Variants in PLG observed in about 807,000 individuals in gnomAD.
PLG encodes the protein plasminogen.
PLG carries 41 observed loss-of-function variants against 104.4 expected under a neutral mutation model. The ratio of observed to expected loss-of-function variants is 0.39; its 90% CI spans 0.31 to 0.51. The LOEUF (loss-of-function observed/expected upper bound fraction) is 0.51, where lower values mean the gene tolerates loss of function less well. Ranked by LOEUF, PLG falls within the 20% of genes least tolerant of loss-of-function variation. The pLI, the probability that PLG is intolerant of heterozygous loss-of-function variation, is 0.76. For synonymous variants in PLG, 337 were observed against 357.1 expected (o/e 0.94, Z 0.63); for missense variants, 891 against 1,003.6 (o/e 0.89, Z 1.52).
At chr6:160,728,092 T>C (rs899461120) in intron 10 of PLG, among the ~76,000 whole-genome samples, 16 of 152,084 alleles carry the variant, frequency 1.1e-4, no homozygotes, top group African/African-American at 3.8e-4. Flanking sequence ...TTTTGCAAGA[T>C]TGGAGAACAC....
At position 160,734,286 on chromosome 6, in the gene PLG, C is replaced by G. The variant is rs749044217; in HGVS notation, c.1681+198C>G. On this transcript the variant is annotated intron_variant, in intron 13 of 18. Transcript: ENST00000308192. The surrounding 1 kb of genome is among the most constrained non-coding windows in gnomAD (Gnocchi z 4.4). ...TTAGAGGAACACCTGCCCATCGCCCCAGGCACACATAAATAAAATAAATGT... is the reference window on the plus strand; with the variant it reads ...TTAGAGGAACACCTGCCCATCGCCCGAGGCACACATAAATAAAATAAATGT... Among the ~76,000 whole-genome samples, 2 of 152,146 alleles carry G rather than the reference C, an allele frequency of 1.3e-5. No homozygotes were observed. Among genetic ancestry groups the G allele is most frequent in the Non-Finnish European group, 2.9e-5 (2 of 68,046 alleles).
At chr6:160,709,673 T>C (rs1298207268) in intron 3 of PLG, among the ~76,000 whole-genome samples, 3 of 152,236 alleles carry the variant, frequency 2.0e-5, no homozygotes, top group Admixed American at 6.5e-5. Flanking sequence ...CAAATCTTCC[T>C]TGACCCCTAG....
chr6:160,747,798 C>A (rs1778303090), intron 17 of PLG, among the ~76,000 whole-genome samples: 1 of 152,280 alleles, frequency 6.6e-6, no homozygotes, highest in African/African-American at 2.4e-5. Context: ...GTAAAAGGAA[C>A]CTTGGCAAAG....
Position 160,751,893 on chromosome 6 carries a change from A to G in PLG, c.2126-222A>G, listed in dbSNP as rs781326688. Among the ~76,000 whole-genome samples the G allele has an allele frequency of 7.6e-4, 115 of 152,314 alleles. 2 individuals are homozygous for G. The highest frequency in any genetic ancestry group is 6.8e-3 in the Middle Eastern group (2 of 294). ...GTAAAGAAACAACAACCAACCCCAA[A>G]CCAACACGACAAAGCCCAGATTGTT... On this transcript the variant is annotated intron_variant, in intron 17 of 18. Coordinates refer to ENST00000308192, the MANE Select transcript of PLG (RefSeq NM_000301.5).
intron 3 of PLG, among the ~76,000 whole-genome samples, chr6:160,709,240 G>C (rs985412084): frequency 6.6e-6 from 1 of 151,934 alleles, no homozygotes; most frequent in Non-Finnish European, 1.5e-5. Flanking sequence ...GTGGGATATT[G>C]ACCTGCTACT....
At chr6:160,748,892 G>A (rs922305883) in intron 17 of PLG, among the ~76,000 whole-genome samples, 6 of 152,124 alleles carry the variant, frequency 3.9e-5, no homozygotes, top group Non-Finnish European at 1.5e-5. Context: ...CTGAGAGGTC[G>A]AACTTGTGTC....
chr6:160,703,169 C>T (rs1777452061), intron 1 of PLG, among the ~76,000 whole-genome samples: 2 of 151,908 alleles, frequency 1.3e-5, no homozygotes. Context: ...TGGATTTAAG[C>T]CAGGTTTCCC....
chr6:160,704,328 C>T (rs546588581), intron 1 of PLG, among the ~76,000 whole-genome samples: 185 of 152,248 alleles, frequency 1.2e-3, no homozygotes, highest in African/African-American at 4.0e-3. Context: ...ATCTCAGCAG[C>T]GATGCGCTAT....
At chr6:160,746,576 A>G (rs1778281029) in intron 17 of PLG, among the ~76,000 whole-genome samples, 1 of 152,182 alleles carries the variant, frequency 6.6e-6, no homozygotes, top group Non-Finnish European at 1.5e-5. Context: ...GGATTTTGCC[A>G]TCCTCCTGGA....
In PLG at chr6:160,737,247, A is replaced by C. The variant is rs1041979792; in HGVS notation, c.1802+240A>C. On this transcript the variant is annotated intron_variant, in intron 14 of 18. Coordinates refer to ENST00000308192, the MANE Select transcript of PLG (RefSeq NM_000301.5). The surrounding 1 kb of genome is among the most constrained non-coding windows in gnomAD (Gnocchi z 4.7). ...TCTTGATCTGGGCAGCTCCATCAAA[A>C]TCTGTAGGCACAGTGATTTGCACCA... is the stretch of plus-strand genomic sequence containing the variant. 6.6e-6 allele frequency among the ~76,000 whole-genome samples: 1 copy of C among 152,194 alleles called. No homozygotes were observed. Among genetic ancestry groups the C allele is most frequent in the African/African-American group, 2.4e-5 (1 of 41,438 alleles).
At position 160,708,993 on chromosome 6, in the gene PLG, C is replaced by T. The variant is rs1352848793; in HGVS notation, c.292+1187C>T. On this transcript the variant is annotated intron_variant, in intron 3 of 18. Transcript: ENST00000308192. Reference sequence around the variant, plus strand: ...TTTAAAAAAAAAAAACCCTGATTCTCCTGATTCTCTCTACAAAATGCTAAC... The same window carrying T: ...TTTAAAAAAAAAAAACCCTGATTCTTCTGATTCTCTCTACAAAATGCTAAC... Among the ~76,000 whole-genome samples, 3 of 151,676 alleles carry T rather than the reference C, an allele frequency of 2.0e-5. No individual in the cohort carries two copies. In the East Asian group the frequency reaches 5.8e-4, roughly 29 times the overall value.
chr6:160,703,042 C>T (rs1777449578), intron 1 of PLG, among the ~76,000 whole-genome samples: 2 of 151,966 alleles, frequency 1.3e-5, no homozygotes, highest in Admixed American at 6.6e-5. Context: ...TTATTTAGCT[C>T]GTGGTATAGG....
intron 4 of PLG, chr6:160,712,009 C>G (rs1303308792): frequency 2.2e-6 from 2 of 902,462 alleles, no homozygotes; most frequent in South Asian, 4.1e-5. Flanking sequence ...GTGCTTGTTA[C>G]TCACCTTTAT....
intron 9 of PLG, among the ~76,000 whole-genome samples, chr6:160,720,925 G>A (rs1403254072): frequency 2.0e-5 from 3 of 151,412 alleles, no homozygotes; most frequent in East Asian, 1.9e-4. Flanking sequence ...TTCATTCTTT[G>A]TGTTGGTTTG....
rs1777918290 is a variant in PLG, at chr6:160,726,191, T to C, written c.1256+3624T>C. ...CATTCCCCAACATATACCATATGTG[T>C]GGGCCTACAGCAAGTCTTAATAGAT... On this transcript the variant is annotated intron_variant, in intron 10 of 18. Transcript: ENST00000308192. The surrounding 1 kb of genome is among the most constrained non-coding windows in gnomAD (Gnocchi z 4.4). 6.6e-6 allele frequency among the ~76,000 whole-genome samples: 1 copy of C among 152,148 alleles called. No individual in the cohort carries two copies. The highest frequency in any genetic ancestry group is 2.1e-4 in the South Asian group (1 of 4,832).
In PLG at chr6:160,741,235, G is replaced by T; in HGVS notation, c.2019-76G>T. On this transcript the variant is annotated intron_variant, in intron 16 of 18. Transcript: ENST00000308192. This position sits in a 1 kb window ranked among gnomAD's most constrained non-coding sequence, Gnocchi z 4.7. ...AGTTCAGAGGGCTCTGGGGCCTCAA[G>T]ACAGGGATGACTGGTTGTGGGTACT... is the stretch of plus-strand genomic sequence containing the variant. 1 of 1,028,216 alleles carries T rather than the reference G, an allele frequency of 9.7e-7. No homozygotes were observed. Among genetic ancestry groups the T allele is most frequent in the South Asian group, 1.3e-5 (1 of 79,096 alleles). The allele number at this position is 1,028,216 out of a possible 1,614,324, so 63.7% of individuals were successfully genotyped here.
At position 160,718,866 on chromosome 6, in the gene PLG, G is replaced by A. The variant is rs745633755; in HGVS notation, c.1096+28G>A. ...AAGCAAGGGTATGGGAGCTTACTGAGGGCCCAAGTTTTCTCCTTATTTTTG... is the reference window on the plus strand; with the variant it reads ...AAGCAAGGGTATGGGAGCTTACTGAAGGCCCAAGTTTTCTCCTTATTTTTG... On this transcript the variant is annotated intron_variant, in intron 9 of 18. Coordinates refer to ENST00000308192, the MANE Select transcript of PLG (RefSeq NM_000301.5). 19 of 1,607,266 alleles carry A rather than the reference G, an allele frequency of 1.2e-5. No individual in the cohort carries two copies. The South Asian group carries it at 2.0e-4, about 17-fold the overall frequency.
intron 7 of PLG, among the ~76,000 whole-genome samples, chr6:160,717,307 A>G (rs1275808040): frequency 6.6e-6 from 1 of 152,192 alleles, no homozygotes; most frequent in Non-Finnish European, 1.5e-5. Context: ...CCTCTCTGAG[A>G]ATTTGAAGCA....
Position 160,753,037 on chromosome 6 carries a change from T to C in PLG, c.2409T>C (p.Ile803=). 6.3e-7 allele frequency: 1 copy of C among 1,591,770 alleles called. No individual in the cohort carries two copies. Among genetic ancestry groups the C allele is most frequent in the Non-Finnish European group, 8.6e-7 (1 of 1,160,924 alleles). Residue 803 remains isoleucine, a synonymous_variant, in exon 19 of 19, where the codon ATT becomes ATC. Transcript: ENST00000308192. This position sits in a 1 kb window ranked among gnomAD's most constrained non-coding sequence, Gnocchi z 5.4. The stretch of plus-strand genomic sequence containing the variant: ...GTGTTTCAAGGTTTGTTACTTGGAT[T>C]GAGGGAGTGATGAGAAATAATTAAT... ...YVRVSRFVTW[I]EGVMRNN
Sources: allele counts gnomAD v4.1 joint callset (sites outside exome capture counted in the v4.1 genomes callset), GRCh38; gene constraint gnomAD v4.1.1; non-coding constraint Gnocchi (gnomAD v3.1); transcripts MANE v1.5; gene names NCBI Gene and HGNC (gene_info 2026-07-23, HGNC 2026-07-21).